The following NCAM2 variants were observed in gnomAD, a reference collection of about 807,000 sequenced individuals.
NCAM2 encodes the protein neural cell adhesion molecule 2.
NCAM2 carries 30 observed loss-of-function variants against 98.1 expected under a neutral mutation model. The ratio of observed to expected loss-of-function variants is 0.31; its 90% confidence interval spans 0.23 to 0.41. NCAM2 has a LOEUF of 0.41. NCAM2 is among the 10% of genes least tolerant of loss of function. The pLI is 1.00. For missense variants in NCAM2, 867 were observed against 1,005.8 expected, an observed-to-expected ratio of 0.86 and a Z score of 1.87; for synonymous variants, 368 against 342.4, an observed-to-expected ratio of 1.07 and a Z score of -0.83.
At chr21:21,473,395 A>AT (rs1555903537) in intron 14 of NCAM2, among the ~76,000 whole-genome samples, 1 of 125,994 alleles carries the variant, frequency 7.9e-6, no homozygotes, top group Non-Finnish European at 1.8e-5. Flanking sequence ...TATATATATT[A>AT]TATATAAAAT....
At chr21:21,332,851 G>A (rs1272072055) in intron 6 of NCAM2, among the ~76,000 whole-genome samples, 3 of 152,206 alleles carry the variant, frequency 2.0e-5, no homozygotes, top group African/African-American at 4.8e-5. Context: ...GTTGGCTAAT[G>A]TGTGAAAACT....
intron 1 of NCAM2, among the ~76,000 whole-genome samples, chr21:21,227,081 G>A (rs1197521260): frequency 6.6e-6 from 1 of 151,886 alleles, no homozygotes; most frequent in Non-Finnish European, 1.5e-5. Context: ...TATGTTTAAA[G>A]TAAGGCATAA....
At chr21:21,016,426 T>C (rs1049193299) in intron 1 of NCAM2, among the ~76,000 whole-genome samples, 3 of 104,298 alleles carry the variant, frequency 2.9e-5, no homozygotes, top group African/African-American at 1.0e-4. Context: ...TCCAAACTTT[T>C]GAGATTAATT....
rs189917854 is a variant in NCAM2, at chr21:21,432,151, G to A, written c.1524G>A (p.Ser508=). Residue 508 remains serine, a synonymous_variant, in exon 12 of 18, where the codon TCG becomes TCA. Coordinates refer to ENST00000400546, the MANE Select transcript of NCAM2 (RefSeq NM_004540.5). The part of the protein sequence containing the change: ...SPYGVKIIEL[S]QTTAKVSFNK... ...ATGGAGTGAAGATCATAGAGCTGTC[G>A]CAGACCACGGCCAAGGTTTCCTTCA... 1.6e-4 allele frequency: 260 copies of A among 1,613,968 alleles called. No individual in the cohort carries two copies. The African/African-American group carries it at 2.4e-3, about 15-fold the overall frequency.
At chr21:21,471,964 C>T (rs1984498135) in intron 14 of NCAM2, among the ~76,000 whole-genome samples, 1 of 151,832 alleles carries the variant, frequency 6.6e-6, no homozygotes, top group South Asian at 2.1e-4. Flanking sequence ...AAGTTTAAAC[C>T]GTGTGTTTGG....
At chr21:21,481,594 AG>A (rs1420751438) in intron 15 of NCAM2, among the ~76,000 whole-genome samples, 2 of 152,104 alleles carry the variant, frequency 1.3e-5, no homozygotes, top group African/African-American at 4.8e-5. Context: ...TGAGCAGAGG[AG>A]GGAAAAAGCC....
At chr21:21,268,227 G>A (rs928939321) in intron 1 of NCAM2, among the ~76,000 whole-genome samples, 2 of 152,124 alleles carry the variant, frequency 1.3e-5, no homozygotes, top group African/African-American at 4.8e-5. Context: ...CATCCCACTC[G>A]TGGCTGCTGT....
chr21:21,380,562 T>TG (rs2148085534), intron 9 of NCAM2, among the ~76,000 whole-genome samples: 1 of 151,722 alleles, frequency 6.6e-6, no homozygotes, highest in African/African-American at 2.4e-5. Flanking sequence ...TCTGTTTTCT[T>TG]GTTTTTTTTT....
chr21:21,465,931 C>T (rs1022091367), intron 12 of NCAM2, among the ~76,000 whole-genome samples: 1 of 152,136 alleles, frequency 6.6e-6, no homozygotes, highest in Non-Finnish European at 1.5e-5. Context: ...CAAGGGTTGA[C>T]ATGACCCAGA....
At chr21:21,132,186 T>C (rs150460606) in intron 1 of NCAM2, among the ~76,000 whole-genome samples, 1 of 152,310 alleles carries the variant, frequency 6.6e-6, no homozygotes, top group East Asian at 1.9e-4. Flanking sequence ...TCTCTCCCTC[T>C]TTCTTGCTCT....
chr21:21,023,914 T>C (rs1274079758), intron 1 of NCAM2, among the ~76,000 whole-genome samples: 4 of 152,188 alleles, frequency 2.6e-5, no homozygotes, highest in African/African-American at 9.7e-5. Context: ...CACAAATATG[T>C]TTCTGAGGAT....
intron 1 of NCAM2, among the ~76,000 whole-genome samples, chr21:21,127,222 C>T (rs888878183): frequency 1.3e-5 from 2 of 151,752 alleles, no homozygotes; most frequent in African/African-American, 4.8e-5. Context: ...TCAAGAAATA[C>T]ATTTCCAAAT....
chr21:21,081,846 T>TAAA (rs1447387382), intron 1 of NCAM2, among the ~76,000 whole-genome samples: 1 of 139,240 alleles, frequency 7.2e-6, no homozygotes, highest in Non-Finnish European at 1.5e-5. Flanking sequence ...CATGCCTTTA[T>TAAA]ACCTATCAGA....
chr21:21,535,704 T>G (rs1432530412), intron 17 of NCAM2, among the ~76,000 whole-genome samples: 1 of 152,116 alleles, frequency 6.6e-6, no homozygotes, highest in Admixed American at 6.5e-5. Flanking sequence ...GGTTCTACAT[T>G]CTTCACTTTA....
At chr21:21,347,923 T>TA (rs894642378) in intron 8 of NCAM2, among the ~76,000 whole-genome samples, 1 of 152,010 alleles carries the variant, frequency 6.6e-6, no homozygotes, top group Non-Finnish European at 1.5e-5. Context: ...CCATTCATGA[T>TA]AAAAACACTC....
chr21:21,530,347 A>T (rs1454113019), intron 16 of NCAM2, among the ~76,000 whole-genome samples: 1 of 144,108 alleles, frequency 6.9e-6, no homozygotes, highest in Non-Finnish European at 1.5e-5. Context: ...ACATAATTAA[A>T]TTAAAATATA....
chr21:21,486,303 CAAAA>C (rs67182493), intron 15 of NCAM2, among the ~76,000 whole-genome samples: 3 of 52,254 alleles, frequency 5.7e-5, no homozygotes, highest in African/African-American at 2.5e-4. Context: ...GACTCCGTCT[CAAAA>C]AAAAAAAAAA....
chr21:21,298,678 C>T (rs2073590020), intron 5 of NCAM2, among the ~76,000 whole-genome samples: 1 of 151,488 alleles, frequency 6.6e-6, no homozygotes, highest in Non-Finnish European at 1.5e-5. Context: ...TCTTTCTTTG[C>T]TTTTCTCTTC....
intron 1 of NCAM2, among the ~76,000 whole-genome samples, chr21:21,198,041 C>G (rs1016510644): frequency 2.0e-5 from 3 of 152,274 alleles, no homozygotes; most frequent in Non-Finnish European, 4.4e-5. Context: ...TGGTTCATAT[C>G]ACTCTTATGG....
Sources: allele counts gnomAD v4.1 joint callset (sites outside exome capture counted in the v4.1 genomes callset), GRCh38; gene constraint gnomAD v4.1.1; transcripts MANE v1.5; gene names NCBI Gene and HGNC (gene_info 2026-07-23, HGNC 2026-07-21).